NREP: variants seen among roughly 807,000 people sequenced by gnomAD.
NREP encodes the protein neuronal regeneration related protein.
A neutral mutation model predicts 8.6 loss-of-function variants in NREP; 5 were observed. The ratio of observed to expected loss-of-function variants is 0.58; its 90% CI spans 0.30 to 1.22. The LOEUF (loss-of-function observed/expected upper bound fraction) is 1.22, where lower values mean the gene tolerates loss of function less well. NREP is among the 50% of genes most tolerant of loss of function. The pLI is 0.07. For missense variants in NREP, 86 were observed against 82.5 expected (o/e 1.04, Z -0.17); for synonymous variants, 27 against 28.0 (o/e 0.96, Z 0.11).
intron 2 of NREP, among the ~76,000 whole-genome samples, chr5:111,876,640 A>T (rs969763213): frequency 2.0e-5 from 3 of 152,350 alleles, no homozygotes; most frequent in South Asian, 2.1e-4. Flanking sequence ...GACCATCATC[A>T]TTCTCTTATT....
chr5:111,953,457 T>C (rs1350245023), intron 2 of NREP, among the ~76,000 whole-genome samples: 1 of 152,150 alleles, frequency 6.6e-6, no homozygotes, highest in East Asian at 1.9e-4. Context: ...ATTATCTTTC[T>C]TTTTTCTATG....
intron 2 of NREP, among the ~76,000 whole-genome samples, chr5:111,815,024 G>A (rs935498540): frequency 1.3e-5 from 2 of 151,244 alleles, no homozygotes; most frequent in Non-Finnish European, 2.9e-5. Flanking sequence ...TTAACCTAGC[G>A]AGGAATCTTA....
At chr5:111,975,364 ATCT>A (rs1236238225) in exon 2 of NREP, 1 of 1,551,490 alleles carries the variant, frequency 6.4e-7, no homozygotes, top group Non-Finnish European at 8.7e-7. Context: ...TTCGTGTTTC[ATCT>A]TCTCTTCGGC....
In NREP at chr5:111,878,295, A is replaced by G. The variant is rs115488505; in HGVS notation, c.135+96979T>C. On this transcript the variant is annotated intron_variant, in intron 2 of 3. Coordinates refer to the NREP transcript ENST00000395634. ...TGAAGAACAGAGGTTTAATTGACTC[A>G]TAGTTCTGCATGGCAGGGAAGGCCT... 8.0e-3 allele frequency among the ~76,000 whole-genome samples: 1,212 copies of G among 152,342 alleles called. 15 individuals carry two copies. Among genetic ancestry groups the G allele is most frequent in the African/African-American group, 0.027 (1,134 of 41,572 alleles).
chr5:111,768,666 T>C (rs1393409877), intron 2 of NREP, among the ~76,000 whole-genome samples: 2 of 152,228 alleles, frequency 1.3e-5, no homozygotes, highest in Non-Finnish European at 2.9e-5. Context: ...GGCCTCCAGC[T>C]GCATCTATGT....
intron 2 of NREP, among the ~76,000 whole-genome samples, chr5:111,766,002 A>G (rs1267731642): frequency 9.1e-6 from 1 of 110,010 alleles, no homozygotes; most frequent in Non-Finnish European, 2.1e-5. Context: ...CTGATAATGA[A>G]ATATTGTCAG....
chr5:111,805,769 GAAAAT>G (rs1752126065), intron 2 of NREP, among the ~76,000 whole-genome samples: 1 of 151,966 alleles, frequency 6.6e-6, no homozygotes, highest in African/African-American at 2.4e-5. Flanking sequence ...ATAGAGAAGA[GAAAAT>G]TTATCAAATA....
intron 2 of NREP, chr5:111,845,937 T>G (rs978107732): frequency 2.0e-5 from 3 of 151,836 alleles, no homozygotes; most frequent in African/African-American, 7.3e-5. Flanking sequence ...AGTGCACAAC[T>G]ATGACTCCAT....
At chr5:111,889,230 A>G (rs755040031) in intron 2 of NREP, among the ~76,000 whole-genome samples, 2 of 152,242 alleles carry the variant, frequency 1.3e-5, no homozygotes, top group Non-Finnish European at 2.9e-5. Context: ...GACAGAAGGC[A>G]AAAGAGGAAA....
chr5:111,734,756 A>G, intron 3 of NREP: 1 of 699,428 alleles, frequency 1.4e-6, no homozygotes, highest in Non-Finnish European at 2.6e-6. Context: ...CAAAATCAGC[A>G]AGTCATTGGT....
intron 2 of NREP, among the ~76,000 whole-genome samples, chr5:111,937,970 G>C (rs1028937886): frequency 6.6e-6 from 1 of 152,038 alleles, no homozygotes; most frequent in Non-Finnish European, 1.5e-5. Context: ...GCTGACGTTT[G>C]CACCCATTTC....
chr5:111,784,418 A>C (rs982936005), intron 2 of NREP, among the ~76,000 whole-genome samples: 2 of 152,174 alleles, frequency 1.3e-5, no homozygotes, highest in Non-Finnish European at 2.9e-5. Flanking sequence ...TCTTTGCCTC[A>C]TATGGGGGAA....
chr5:111,851,285 C>T (rs1222140054), intron 2 of NREP, among the ~76,000 whole-genome samples: 2 of 152,296 alleles, frequency 1.3e-5, no homozygotes, highest in African/African-American at 4.8e-5. Context: ...CAGCCACTTA[C>T]TTAAATCCTG....
intron 2 of NREP, among the ~76,000 whole-genome samples, chr5:111,869,953 C>A (rs2112494513): frequency 6.6e-6 from 1 of 152,256 alleles, no homozygotes; most frequent in Middle Eastern, 3.4e-3. Flanking sequence ...GTTCCATTGT[C>A]TGTGACTTAC....
chr5:111,834,173 A>G (rs1043012113), intron 2 of NREP, among the ~76,000 whole-genome samples: 9 of 152,234 alleles, frequency 5.9e-5, no homozygotes, highest in African/African-American at 2.2e-4. Context: ...TGCTATTGCC[A>G]TGAGTAATTA....
intron 2 of NREP, among the ~76,000 whole-genome samples, chr5:111,858,790 A>C (rs1409545539): frequency 6.6e-6 from 1 of 152,170 alleles, no homozygotes; most frequent in Non-Finnish European, 1.5e-5. Flanking sequence ...TGATCTGGCC[A>C]TTTTTAAACA....
chr5:111,916,012 C>T (rs1180548709), intron 2 of NREP, among the ~76,000 whole-genome samples: 4 of 152,060 alleles, frequency 2.6e-5, no homozygotes, highest in Admixed American at 2.6e-4. Context: ...CTATGCAGAA[C>T]ATTTTTGCTG....
At chr5:111,778,162 G>A (rs920984870) in intron 2 of NREP, among the ~76,000 whole-genome samples, 3 of 152,116 alleles carry the variant, frequency 2.0e-5, no homozygotes, top group Non-Finnish European at 4.4e-5. Flanking sequence ...GAGGCAAGTT[G>A]CTTGCCAATC....
intron 2 of NREP, among the ~76,000 whole-genome samples, chr5:111,837,581 T>C (rs1324051615): frequency 6.6e-6 from 1 of 152,084 alleles, no homozygotes; most frequent in Non-Finnish European, 1.5e-5. Context: ...TATCTTACCT[T>C]TCTAGTAAGT....
Sources: allele counts gnomAD v4.1 joint callset (sites outside exome capture counted in the v4.1 genomes callset), GRCh38; gene constraint gnomAD v4.1.1; transcripts MANE v1.5; gene names NCBI Gene and HGNC (gene_info 2026-07-23, HGNC 2026-07-21).